TUSC3: variants seen among roughly 807,000 people sequenced by gnomAD.
TUSC3 encodes dolichyl-diphosphooligosaccharide--protein glycosyltransferase subunit TUSC3.
In TUSC3, 45 loss-of-function variants were observed where a neutral mutation model predicts 44.8. The observed-to-expected ratio is 1.00, with a 90% confidence interval of 0.79 to 1.29. The LOEUF is 1.29. Ranked by LOEUF, TUSC3 falls within the 50% of genes most tolerant of loss-of-function variation. TUSC3 has a pLI of 0.00. For missense variants in TUSC3, 519 were observed against 437.9 expected (o/e 1.19, Z -1.65); for synonymous variants, 212 against 152.9 (o/e 1.39, Z -2.85).
At chr8:15,836,225 C>T in the TUSC3 span, among the ~76,000 whole-genome samples, 1 of 151,788 alleles carries the variant, frequency 6.6e-6, no homozygotes, top group African/African-American at 2.4e-5. Flanking sequence ...CCTGTAATCC[C>T]AGCACTTTGG....
chr8:15,777,786 C>A, the TUSC3 span, among the ~76,000 whole-genome samples: 1 of 151,954 alleles, frequency 6.6e-6, no homozygotes, highest in Admixed American at 6.6e-5. Context: ...ACAGGAATTC[C>A]CTTTTAAAAT....
chr8:15,496,541 G>T (rs565935097), intron 2 of TUSC3, among the ~76,000 whole-genome samples: 4 of 152,264 alleles, frequency 2.6e-5, no homozygotes, highest in Admixed American at 6.5e-5. Context: ...TGCCGACAAG[G>T]TCTTACTTTT....
intron 3 of TUSC3, among the ~76,000 whole-genome samples, chr8:15,652,286 A>G (rs887547002): frequency 2.0e-5 from 3 of 152,292 alleles, no homozygotes; most frequent in South Asian, 2.1e-4. Context: ...TACTAATTGT[A>G]TATCACCATT....
chr8:15,820,743 GTTAT>G, the TUSC3 span, among the ~76,000 whole-genome samples: 1 of 152,048 alleles, frequency 6.6e-6, no homozygotes, highest in Non-Finnish European at 1.5e-5. Context: ...TGAGATTAGT[GTTAT>G]TTCTTCTTTG....
Position 15,585,840 on chromosome 8 carries a change from G to A in TUSC3, c.139-37240G>A, listed in dbSNP as rs140182165. Among the ~76,000 whole-genome samples, 329 of 152,276 alleles carry A rather than the reference G, an allele frequency of 2.2e-3. 3 individuals carry two copies. Among genetic ancestry groups the A allele is most frequent in the African/African-American group, 7.6e-3 (315 of 41,554 alleles). On this transcript the variant is annotated intron_variant, in intron 1 of 10. Transcript: ENST00000503731. ...AACGGAGGACCCACCCTAACTGCCT[G>A]CGTGAGCGTGACCGGGTTTTTTTGT...
At chr8:15,787,735 T>C in the TUSC3 span, among the ~76,000 whole-genome samples, 1 of 152,206 alleles carries the variant, frequency 6.6e-6, no homozygotes, top group East Asian at 1.9e-4. Flanking sequence ...AGACAACTTA[T>C]TCCTCTTTAT....
intron 6 of TUSC3, among the ~76,000 whole-genome samples, chr8:15,689,743 G>A (rs975730570): frequency 1.3e-5 from 2 of 151,656 alleles, no homozygotes; most frequent in Admixed American, 6.6e-5. Context: ...GTTTGCTTAG[G>A]ATAATGGCAT....
chr8:15,797,353 T>G, the TUSC3 span, among the ~76,000 whole-genome samples: 3 of 152,128 alleles, frequency 2.0e-5, no homozygotes, highest in African/African-American at 7.2e-5. Flanking sequence ...TTTTCTTTTT[T>G]TCTTTTTTTT....
chr8:15,462,974 G>C (rs541883619), intron 1 of TUSC3, among the ~76,000 whole-genome samples: 36 of 152,024 alleles, frequency 2.4e-4, no homozygotes, highest in African/African-American at 8.2e-4. Flanking sequence ...ATGTATTTGG[G>C]CAATGGCTTC....
the TUSC3 span, among the ~76,000 whole-genome samples, chr8:15,843,594 A>AAG: frequency 5.2e-5 from 4 of 77,050 alleles, no homozygotes; most frequent in African/African-American, 4.4e-4. Flanking sequence ...CTTGATGTAC[A>AAG]TATATATATA....
At chr8:15,551,328 G>A (rs1802054871) in intron 1 of TUSC3, among the ~76,000 whole-genome samples, 1 of 151,550 alleles carries the variant, frequency 6.6e-6, no homozygotes, top group South Asian at 2.1e-4. Flanking sequence ...ATGATTTATG[G>A]TAGTTTCTCT....
rs1407465607 is a variant in TUSC3, at chr8:15,562,543, G to A, written c.138+21975G>A. Among the ~76,000 whole-genome samples, 21 of 152,150 alleles carry A rather than the reference G, an allele frequency of 1.4e-4. 1 individual carries two copies. Among genetic ancestry groups the A allele is most frequent in the Non-Finnish European group, 3.1e-4 (21 of 68,034 alleles). On this transcript the variant is annotated intron_variant, in intron 1 of 10. Coordinates refer to ENST00000503731, the MANE Select transcript of TUSC3 (RefSeq NM_006765.4). ...TAGATGTCAGAAGTCTGGGCATGGT[G>A]TAGCTGGATTCTGTCTCTGTTAAGG...
rs202182362 is a variant in TUSC3, at chr8:15,625,236, CAGTTTGCTAATT to C, written c.308+1988_308+1999del. Reference sequence around the variant, plus strand: ...TTATTTTATTATGTGTTGCTGGATTCAGTTTGCTAATTTTTTTTTGAAGAAGTTTGATCTAAG... The same window carrying C: ...TTATTTTATTATGTGTTGCTGGATTCTTTTTTTGAAGAAGTTTGATCTAAG... On this transcript the variant is annotated intron_variant, in intron 2 of 10. Transcript: ENST00000503731. Among the ~76,000 whole-genome samples, 1,263 of 152,100 alleles carry C rather than the reference CAGTTTGCTAATT, an allele frequency of 8.3e-3. 17 individuals are homozygous for C. Among genetic ancestry groups the C allele is most frequent in the African/African-American group, 0.029 (1,193 of 41,490 alleles).
In TUSC3 at chr8:15,422,894, C is replaced by T. The variant is rs146252497; in HGVS notation, n.91+5589C>T. ...CTGGGCTCTAGTGATCCACCCAACT[C>T]GGCCTCCCAAAGTGCTGGGATTACA... On this transcript the variant is annotated intron_variant and non_coding_transcript_variant, in intron 1 of 5. Coordinates refer to the TUSC3 transcript ENST00000503191. 3.6e-3 allele frequency among the ~76,000 whole-genome samples: 551 copies of T among 152,184 alleles called. 2 individuals carry two copies. Among genetic ancestry groups the T allele is most frequent in the Middle Eastern group, 0.014 (4 of 294 alleles).
chr8:15,609,047 A>G (rs556522575), intron 1 of TUSC3, among the ~76,000 whole-genome samples: 24 of 152,128 alleles, frequency 1.6e-4, no homozygotes, highest in African/African-American at 5.5e-4. Flanking sequence ...CTCTTGGCTG[A>G]TTTTCTGTTG....
chr8:15,424,319 A>T (rs1799778202), intron 1 of TUSC3, among the ~76,000 whole-genome samples: 1 of 152,006 alleles, frequency 6.6e-6, no homozygotes, highest in Non-Finnish European at 1.5e-5. Flanking sequence ...ACCGCCCCTC[A>T]GCAACTCTAG....
At chr8:15,821,449 T>C in the TUSC3 span, among the ~76,000 whole-genome samples, 2 of 151,740 alleles carry the variant, frequency 1.3e-5, no homozygotes, top group Non-Finnish European at 2.9e-5. Context: ...GGAAGTTTAC[T>C]GCTATGATTT....
intron 5 of TUSC3, among the ~76,000 whole-genome samples, chr8:15,668,164 A>T (rs1218353229): frequency 1.3e-5 from 2 of 151,802 alleles, no homozygotes; most frequent in Admixed American, 6.6e-5. Context: ...TGTGCCTGGC[A>T]TGTAGAAAGT....
At chr8:15,656,012 T>G (rs944175622) in intron 3 of TUSC3, among the ~76,000 whole-genome samples, 3 of 152,154 alleles carry the variant, frequency 2.0e-5, no homozygotes, top group African/African-American at 7.2e-5. Flanking sequence ...TTGTCTTAGT[T>G]CATTTTGTTC....
Sources: allele counts gnomAD v4.1 joint callset (sites outside exome capture counted in the v4.1 genomes callset), GRCh38; gene constraint gnomAD v4.1.1; transcripts MANE v1.5; gene names NCBI Gene and HGNC (gene_info 2026-07-23, HGNC 2026-07-21).